The following PRKG1 variants were observed in gnomAD, a reference collection of about 807,000 sequenced individuals.
PRKG1 encodes the protein cGMP-dependent protein kinase 1.
In PRKG1, 35 loss-of-function variants were observed where a neutral mutation model predicts 88.1. That is an observed-to-expected ratio of 0.40 (90% CI 0.30 to 0.53). The LOEUF (loss-of-function observed/expected upper bound fraction) is 0.53, where lower values mean the gene tolerates loss of function less well. PRKG1 is among the 20% of genes least tolerant of loss of function. PRKG1 has a pLI of 0.59. For synonymous variants in PRKG1, 303 were observed against 292.5 expected (o/e 1.04, Z -0.37); for missense variants, 540 against 839.8 (o/e 0.64, Z 4.41).
At chr10:51,161,807 AT>A (rs536750442) in intron 2 of PRKG1, among the ~76,000 whole-genome samples, 1 of 152,160 alleles carries the variant, frequency 6.6e-6, no homozygotes, top group Non-Finnish European at 1.5e-5. Context: ...TTAAAAGTGT[AT>A]TTTTTTGGTA....
At chr10:51,810,061 G>A (rs1405922970) in intron 4 of PRKG1, among the ~76,000 whole-genome samples, 1 of 152,122 alleles carries the variant, frequency 6.6e-6, no homozygotes, top group Admixed American at 6.5e-5. Context: ...CATCAAGTAT[G>A]CCTGCCATAG....
At chr10:51,842,804 A>G (rs1245403692) in intron 4 of PRKG1, among the ~76,000 whole-genome samples, 1 of 152,128 alleles carries the variant, frequency 6.6e-6, no homozygotes, top group Non-Finnish European at 1.5e-5. Context: ...ATGCAATATT[A>G]TAAAAGAAAT....
At chr10:51,065,255 A>C (rs999531866) in intron 1 of PRKG1, among the ~76,000 whole-genome samples, 1 of 152,124 alleles carries the variant, frequency 6.6e-6, no homozygotes, top group Non-Finnish European at 1.5e-5. Context: ...GATCCTGTAG[A>C]CATTGCCAGT....
intron 3 of PRKG1, among the ~76,000 whole-genome samples, chr10:51,760,333 C>T (rs891544525): frequency 1.3e-5 from 2 of 152,094 alleles, no homozygotes. Flanking sequence ...AAGATTAATA[C>T]TCTGTTTTAG....
At chr10:51,125,305 C>G (rs972319828) in intron 1 of PRKG1, among the ~76,000 whole-genome samples, 5 of 151,952 alleles carry the variant, frequency 3.3e-5, no homozygotes, top group Non-Finnish European at 7.4e-5. Context: ...TCCTGGGTGA[C>G]AGAGTGAGAC....
intron 2 of PRKG1, among the ~76,000 whole-genome samples, chr10:51,272,179 C>CT (rs1407416748): frequency 6.6e-6 from 1 of 152,120 alleles, no homozygotes; most frequent in Non-Finnish European, 1.5e-5. Context: ...TGATGATTAG[C>CT]TTTTTTTCAT....
At chr10:51,440,719 G>A (rs191685159) in intron 2 of PRKG1, among the ~76,000 whole-genome samples, 110 of 151,962 alleles carry the variant, frequency 7.2e-4, no homozygotes, top group African/African-American at 2.3e-3. Flanking sequence ...AATCATCATC[G>A]TGTTTGTCAA....
intron 2 of PRKG1, among the ~76,000 whole-genome samples, chr10:51,379,080 T>G (rs556137629): frequency 1.3e-5 from 2 of 152,314 alleles, no homozygotes; most frequent in East Asian, 3.9e-4. Flanking sequence ...TTCTGTGACA[T>G]AAGGCACCTT....
intron 9 of PRKG1, among the ~76,000 whole-genome samples, chr10:52,185,649 G>C (rs1325594047): frequency 6.6e-6 from 1 of 152,144 alleles, no homozygotes; most frequent in Non-Finnish European, 1.5e-5. Flanking sequence ...TATCTGTGAG[G>C]GCTTCACTCC....
At chr10:51,512,104 A>C (rs1589033115) in intron 3 of PRKG1, among the ~76,000 whole-genome samples, 1 of 150,240 alleles carries the variant, frequency 6.7e-6, no homozygotes, top group East Asian at 2.0e-4. Context: ...AATAGGAGTT[A>C]TTTTCTTTGG....
intron 3 of PRKG1, among the ~76,000 whole-genome samples, chr10:51,569,173 T>A (rs1837683476): frequency 6.6e-6 from 1 of 152,032 alleles, no homozygotes; most frequent in Non-Finnish European, 1.5e-5. Context: ...TTGGAGGATA[T>A]AACCACCTAC....
At chr10:52,140,042 A>G (rs963903539) in intron 8 of PRKG1, among the ~76,000 whole-genome samples, 1 of 152,212 alleles carries the variant, frequency 6.6e-6, no homozygotes, top group South Asian at 2.1e-4. Flanking sequence ...TTGAATTTAT[A>G]TCATTTTCTT....
At chr10:51,462,706 A>C (rs1284597369) in intron 2 of PRKG1, among the ~76,000 whole-genome samples, 7 of 152,174 alleles carry the variant, frequency 4.6e-5, no homozygotes, top group Non-Finnish European at 7.3e-5. Context: ...TATTCATGAC[A>C]ATGCCAGGAG....
chr10:52,107,454 A>AT (rs932319587), intron 7 of PRKG1, among the ~76,000 whole-genome samples: 6 of 152,166 alleles, frequency 3.9e-5, no homozygotes, highest in African/African-American at 1.4e-4. Flanking sequence ...AAGGAATGAC[A>AT]TTTTTATATA....
intron 1 of PRKG1, among the ~76,000 whole-genome samples, chr10:51,131,142 C>T (rs916378177): frequency 7.9e-5 from 12 of 152,102 alleles, no homozygotes; most frequent in Middle Eastern, 6.3e-3. Flanking sequence ...TTGTATGGCA[C>T]GTTTTGGTTT....
chr10:52,090,093 G>A lies in PRKG1; in HGVS notation c.935+27462G>A, dbSNP rs573138317. The stretch of plus-strand genomic sequence containing the variant: ...CTCTCAAAGTGTTGGGATTACAGGC[G>A]TGAGCCACCACACCCGGCCTAGATT... On this transcript the variant is annotated intron_variant, in intron 7 of 17. Transcript: ENST00000373980. 8.5e-5 allele frequency among the ~76,000 whole-genome samples: 13 copies of A among 152,116 alleles called. No homozygotes were observed. In the South Asian group the frequency reaches 1.2e-3, roughly 15 times the overall value.
chr10:51,509,985 A>G (rs1023612534), intron 3 of PRKG1, among the ~76,000 whole-genome samples: 6 of 152,192 alleles, frequency 3.9e-5, no homozygotes, highest in African/African-American at 1.2e-4. Flanking sequence ...CACTGAGATG[A>G]TAAGACTGAG....
chr10:51,882,396 T>G (rs1841460556), intron 4 of PRKG1, among the ~76,000 whole-genome samples: 1 of 152,202 alleles, frequency 6.6e-6, no homozygotes, highest in Non-Finnish European at 1.5e-5. Context: ...TTCACAACTT[T>G]CCTTCTCTCC....
At chr10:52,031,851 T>C (rs191913786) in intron 5 of PRKG1, among the ~76,000 whole-genome samples, 1 of 152,304 alleles carries the variant, frequency 6.6e-6, no homozygotes, top group Admixed American at 6.5e-5. Context: ...GGATAATTTA[T>C]TAGACAACTG....
Sources: gnomAD v4.1 joint callset for allele counts (sites outside exome capture counted in the v4.1 genomes callset) on GRCh38, gnomAD v4.1.1 for gene constraint, MANE v1.5 for transcripts, NCBI Gene and HGNC (gene_info 2026-07-23, HGNC 2026-07-21) for gene names.